Variants in PTPRM observed in about 807,000 individuals in gnomAD.
The protein encoded by PTPRM is receptor-type tyrosine-protein phosphatase mu.
Under a neutral mutation model 186.7 loss-of-function variants are expected in PTPRM, and 47 were observed. The ratio of observed to expected loss-of-function variants is 0.25; its 90% CI spans 0.20 to 0.32. The LOEUF (loss-of-function observed/expected upper bound fraction) is 0.32, where lower values mean the gene tolerates loss of function less well. Among genes scored for constraint, PTPRM ranks in the 10% least tolerant of loss-of-function variants. The pLI, the probability that PTPRM is intolerant of heterozygous loss-of-function variation, is 1.00. For missense variants in PTPRM, 1,494 were observed against 1,865.0 expected (o/e 0.80, Z 3.66); for synonymous variants, 668 against 674.9 (o/e 0.99, Z 0.16).
At chr18:8,276,849 T>C (rs1211546890) in intron 19 of PTPRM, among the ~76,000 whole-genome samples, 1 of 152,194 alleles carries the variant, frequency 6.6e-6, no homozygotes, top group Non-Finnish European at 1.5e-5. Flanking sequence ...GCAGGTCTTC[T>C]ATGTACATCA....
chr18:8,204,543 G>A (rs1398489188), intron 14 of PTPRM, among the ~76,000 whole-genome samples: 4 of 152,040 alleles, frequency 2.6e-5, no homozygotes, highest in Non-Finnish European at 5.9e-5. Context: ...AGCTTTGGGG[G>A]AGAAACTGAT....
chr18:7,843,265 T>C (rs1229415654), intron 2 of PTPRM, among the ~76,000 whole-genome samples: 1 of 152,128 alleles, frequency 6.6e-6, no homozygotes, highest in Non-Finnish European at 1.5e-5. Flanking sequence ...GCTTTTATGA[T>C]TTTTCATTCA....
rs11288424 is a variant in PTPRM at position 8,370,189 on chromosome 18, CAA to C, written c.3055-685_3055-684del. On this transcript the variant is annotated intron_variant, in intron 23 of 32. Coordinates refer to ENST00000580170, the MANE Select transcript of PTPRM (RefSeq NM_001105244.2). ...TTGATGTCTAGAAAAACATTCTTAC[CAA>C]AAAAAAAAAAAAAAATACAATTTGC... Among the ~76,000 whole-genome samples the C allele has an allele frequency of 1.8e-3, 220 of 121,820 alleles. 1 individual carries two copies. Among genetic ancestry groups the C allele is most frequent in the East Asian group, 2.9e-3 (13 of 4,422 alleles). The allele number at this position is 121,820 out of a possible 152,430, so 79.9% of individuals were successfully genotyped here.
At chr18:8,373,304 A>G (rs537664039) in intron 24 of PTPRM, among the ~76,000 whole-genome samples, 30 of 152,334 alleles carry the variant, frequency 2.0e-4, no homozygotes, top group African/African-American at 7.0e-4. Flanking sequence ...TAAAGGTGAA[A>G]GTGGATTAGG....
chr18:7,589,546 C>CCCA (rs2037069272), intron 1 of PTPRM, among the ~76,000 whole-genome samples: 1 of 152,082 alleles, frequency 6.6e-6, no homozygotes, highest in African/African-American at 2.4e-5. Context: ...TGACATCCTC[C>CCCA]CCTGCAACTC....
intron 7 of PTPRM, among the ~76,000 whole-genome samples, chr18:8,033,727 A>G (rs1226738326): frequency 6.6e-6 from 1 of 152,194 alleles, no homozygotes; most frequent in African/African-American, 2.4e-5. Flanking sequence ...TCAAACCGAA[A>G]AGTTTGTTTT....
chr18:8,302,095 G>T (rs779753105), intron 20 of PTPRM, among the ~76,000 whole-genome samples: 2 of 152,194 alleles, frequency 1.3e-5, no homozygotes, highest in Admixed American at 6.5e-5. Context: ...GGAAGATTTC[G>T]TGGGGGAGAA....
chr18:7,706,235 A>G (rs1479243682), intron 1 of PTPRM, among the ~76,000 whole-genome samples: 1 of 151,896 alleles, frequency 6.6e-6, no homozygotes, highest in East Asian at 1.9e-4. Context: ...GAAAGAGGCA[A>G]TAAAGAGGGT....
At chr18:8,037,810 G>A (rs2086428235) in intron 7 of PTPRM, among the ~76,000 whole-genome samples, 1 of 152,092 alleles carries the variant, frequency 6.6e-6, no homozygotes, top group South Asian at 2.1e-4. Flanking sequence ...TGATGGACTA[G>A]TAAGAAATCC....
intron 13 of PTPRM, among the ~76,000 whole-genome samples, chr18:8,130,204 A>G (rs2092468518): frequency 6.6e-6 from 1 of 152,144 alleles, no homozygotes; most frequent in African/African-American, 2.4e-5. Flanking sequence ...TTTCCAGCTT[A>G]GCTACCCTAT....
intron 23 of PTPRM, among the ~76,000 whole-genome samples, chr18:8,368,763 C>T (rs1450848365): frequency 6.6e-6 from 1 of 152,220 alleles, no homozygotes; most frequent in African/African-American, 2.4e-5. Context: ...GACTTTCCTT[C>T]CTACACTGAT....
At chr18:8,173,835 G>T (rs148072193) in intron 14 of PTPRM, among the ~76,000 whole-genome samples, 4 of 152,136 alleles carry the variant, frequency 2.6e-5, no homozygotes, top group African/African-American at 9.7e-5. Flanking sequence ...CTGGGAGGCC[G>T]AGGTGGGTGG....
At chr18:8,337,710 A>T (rs148623105) in intron 22 of PTPRM, among the ~76,000 whole-genome samples, 2 of 152,196 alleles carry the variant, frequency 1.3e-5, no homozygotes. Context: ...TGGACTGCTC[A>T]GCTGAAACCA....
chr18:8,067,437 T>A (rs1056973531), intron 7 of PTPRM, among the ~76,000 whole-genome samples: 1 of 152,258 alleles, frequency 6.6e-6, no homozygotes, highest in African/African-American at 2.4e-5. Flanking sequence ...AAATTAATTT[T>A]GTAATAGGGA....
chr18:7,674,983 T>C (rs1405239528), intron 1 of PTPRM, among the ~76,000 whole-genome samples: 1 of 152,220 alleles, frequency 6.6e-6, no homozygotes, highest in Non-Finnish European at 1.5e-5. Flanking sequence ...GTGAAGCTTT[T>C]GTTATATTAA....
chr18:7,624,036 A>G (rs2038001969), intron 1 of PTPRM, among the ~76,000 whole-genome samples: 2 of 152,148 alleles, frequency 1.3e-5, no homozygotes, highest in South Asian at 4.1e-4. Flanking sequence ...GTACTGGTGG[A>G]TCTGAAACTG....
At chr18:8,131,071 C>G (rs2092492728) in intron 13 of PTPRM, among the ~76,000 whole-genome samples, 1 of 152,146 alleles carries the variant, frequency 6.6e-6, no homozygotes, top group African/African-American at 2.4e-5. Flanking sequence ...GCCCATGAGG[C>G]TTTCAAGATG....
Position 7,719,461 on chromosome 18 carries a change from A to T in PTPRM, c.74-54688A>T, listed in dbSNP as rs146538056. Among the ~76,000 whole-genome samples, 542 of 152,272 alleles carry T rather than the reference A, an allele frequency of 3.6e-3. 3 individuals are homozygous for T. The highest frequency in any genetic ancestry group is 0.01 in the Middle Eastern group (3 of 294). On this transcript the variant is annotated intron_variant, in intron 1 of 32. Coordinates refer to ENST00000580170, the MANE Select transcript of PTPRM (RefSeq NM_001105244.2). ...ACACTGCTCAGGTGACAAGTGCACC[A>T]AAATCTCAGAAATCACCGCTGAAGA...
intron 7 of PTPRM, among the ~76,000 whole-genome samples, chr18:8,000,892 C>T (rs2083831683): frequency 6.6e-6 from 1 of 152,204 alleles, no homozygotes; most frequent in African/African-American, 2.4e-5. Flanking sequence ...CCAGCAGTGG[C>T]AGGCACTTGA....
Sources: allele counts gnomAD v4.1 joint callset (sites outside exome capture counted in the v4.1 genomes callset), GRCh38; gene constraint gnomAD v4.1.1; transcripts MANE v1.5; gene names NCBI Gene and HGNC (gene_info 2026-07-23, HGNC 2026-07-21).